Variants in DNAAF9 observed in about 807,000 individuals in gnomAD.
DNAAF9 encodes dynein axonemal assembly factor 9.
Under a neutral mutation model 167.0 loss-of-function variants are expected in DNAAF9, and 90 were observed. The ratio of observed to expected loss-of-function variants is 0.54; its 90% CI spans 0.45 to 0.64. DNAAF9 has a LOEUF of 0.64. Among genes scored for constraint, DNAAF9 ranks in the 30% least tolerant of loss-of-function variants. The probability of loss-of-function intolerance (pLI) is 0.00; values close to 1 mark genes in which losing one functional copy is unlikely to be tolerated. For missense variants in DNAAF9, 1,315 were observed against 1,442.2 expected, an observed-to-expected ratio of 0.91 and a Z score of 1.43; for synonymous variants, 491 against 508.8, an observed-to-expected ratio of 0.96 and a Z score of 0.47.
At chr20:3,369,974 A>T (rs1236352091) in intron 6 of DNAAF9, among the ~76,000 whole-genome samples, 11 of 102,848 alleles carry the variant, frequency 1.1e-4, no homozygotes, top group Admixed American at 9.6e-5. Flanking sequence ...GTCTTCTTTT[A>T]AAAAAAAAAA....
intron 20 of DNAAF9, among the ~76,000 whole-genome samples, chr20:3,307,982 A>AC (rs2069331985): frequency 1.3e-5 from 2 of 151,194 alleles, no homozygotes; most frequent in African/African-American, 2.4e-5. Flanking sequence ...AAAAAAAAAA[A>AC]AAAAAACTAA....
chr20:3,261,063 A>G (rs1440047119), intron 31 of DNAAF9, among the ~76,000 whole-genome samples: 2 of 151,938 alleles, frequency 1.3e-5, no homozygotes, highest in Non-Finnish European at 2.9e-5. Flanking sequence ...TTTCTTTGAG[A>G]CAGGGTCTTG....
In DNAAF9 at chr20:3,270,461, C is replaced by A. The variant is rs1461557472; in HGVS notation, c.2752G>T (p.Ala918Ser). ...SLIRAANPAA[A>S]FILAENGIVT... is the part of the protein sequence containing the mutation. ...ATCCCATTTTCTGCAAGAATGAAGG[C>A]TGCAGCAGGATTGGCAGCCCTGATG... Residue 918 changes from alanine to serine, a missense_variant, in exon 30 of 37, where the codon GCC (alanine) becomes TCC (serine). Coordinates refer to ENST00000252032, the MANE Select transcript of DNAAF9 (RefSeq NM_001009984.3). The A allele has an allele frequency of 3.7e-6, 6 of 1,613,810 alleles. No homozygotes were observed. The highest frequency in any genetic ancestry group is 5.1e-6 in the Non-Finnish European group (6 of 1,179,880).
chr20:3,338,101 T>C (rs949191809), intron 10 of DNAAF9, among the ~76,000 whole-genome samples: 1 of 150,032 alleles, frequency 6.7e-6, no homozygotes, highest in African/African-American at 2.4e-5. Flanking sequence ...CATACATACA[T>C]ACACACACAC....
At chr20:3,363,492 C>T (rs905649205) in intron 6 of DNAAF9, among the ~76,000 whole-genome samples, 4 of 118,150 alleles carry the variant, frequency 3.4e-5, no homozygotes, top group Admixed American at 2.7e-4. Flanking sequence ...AAAATAAAAA[C>T]GAAAAAAAAG....
Position 3,371,585 on chromosome 20 carries a change from C to T in DNAAF9, c.612+2463G>A, listed in dbSNP as rs545799380. On this transcript the variant is annotated intron_variant, in intron 6 of 36. Coordinates refer to ENST00000252032, the MANE Select transcript of DNAAF9 (RefSeq NM_001009984.3). ...GTCTCGATCTGCTGACCTCGTGATC[C>T]GCCCGCCTCGGCCTCCCAAAGTGCT... is the stretch of plus-strand genomic sequence containing the variant. 1.1e-4 allele frequency among the ~76,000 whole-genome samples: 16 copies of T among 152,044 alleles called. No homozygotes were observed. In the East Asian group the frequency reaches 1.5e-3, roughly 15 times the overall value.
intron 15 of DNAAF9, 31 bp from the exon 16 acceptor site, chr20:3,322,293 T>TA (rs372702091): frequency 1.9e-5 from 30 of 1,540,678 alleles, no homozygotes; most frequent in African/African-American, 1.2e-4. Flanking sequence ...AAGACTATGT[T>TA]AAAGAGTTTT....
intron 1 of DNAAF9, among the ~76,000 whole-genome samples, chr20:3,385,849 G>A (rs2083727683): frequency 6.6e-6 from 1 of 152,098 alleles, no homozygotes; most frequent in Non-Finnish European, 1.5e-5. Context: ...AGAAATTAAA[G>A]AAGATCTAAA....
At chr20:3,265,512 T>G (rs192767603) in intron 30 of DNAAF9, among the ~76,000 whole-genome samples, 321 of 137,724 alleles carry the variant, frequency 2.3e-3, no homozygotes, top group Non-Finnish European at 3.7e-3. Flanking sequence ...GAGGTGGAGG[T>G]TGCAGTGAGA....
chr20:3,325,540 G>A (rs551847715), intron 13 of DNAAF9, among the ~76,000 whole-genome samples: 1 of 152,300 alleles, frequency 6.6e-6, no homozygotes, highest in East Asian at 1.9e-4. Context: ...CAAGGAGCTG[G>A]TGACTACAGC....
At chr20:3,285,485 C>T (rs926211827) in intron 27 of DNAAF9, among the ~76,000 whole-genome samples, 1 of 151,596 alleles carries the variant, frequency 6.6e-6, no homozygotes, top group Non-Finnish European at 1.5e-5. Flanking sequence ...TCAAGACCAG[C>T]CTAACCAAGA....
At chr20:3,274,609 C>T (rs1168908429) in intron 29 of DNAAF9, among the ~76,000 whole-genome samples, 2 of 152,192 alleles carry the variant, frequency 1.3e-5, no homozygotes, top group Non-Finnish European at 2.9e-5. Flanking sequence ...CAAATATCCT[C>T]CTCTGTAAGA....
At chr20:3,349,205 A>AAAAAAAAAAT (rs2070261162) in intron 7 of DNAAF9, among the ~76,000 whole-genome samples, 1 of 59,190 alleles carries the variant, frequency 1.7e-5, no homozygotes, top group Non-Finnish European at 3.3e-5. Flanking sequence ...AAAAAAAAAC[A>AAAAAAAAAAT]AAAAAAAAAA....
At chr20:3,290,850 G>A (rs1205529491) in intron 25 of DNAAF9, among the ~76,000 whole-genome samples, 1 of 148,446 alleles carries the variant, frequency 6.7e-6, no homozygotes, top group Non-Finnish European at 1.5e-5. Context: ...GTGCTGTGGT[G>A]TGATCTCAGC....
intron 6 of DNAAF9, chr20:3,359,925 A>G (rs1051567550): frequency 1.1e-5 from 2 of 175,914 alleles, no homozygotes; most frequent in Admixed American, 6.3e-5. Context: ...ATCCATGTCC[A>G]TGGCTTTAAA....
chr20:3,253,020 T>C (rs566353799), intron 36 of DNAAF9, among the ~76,000 whole-genome samples: 19 of 152,334 alleles, frequency 1.2e-4, no homozygotes, highest in African/African-American at 4.3e-4. Context: ...TCACCGCAGC[T>C]GCATCCAAAC....
intron 34 of DNAAF9, among the ~76,000 whole-genome samples, chr20:3,255,715 C>G (rs1284740634): frequency 6.6e-6 from 1 of 152,206 alleles, no homozygotes; most frequent in Non-Finnish European, 1.5e-5. Flanking sequence ...TAACTCTAGT[C>G]CCAGAGTTCT....
At chr20:3,254,809 G>C (rs1177922178) in intron 35 of DNAAF9, among the ~76,000 whole-genome samples, 1 of 152,218 alleles carries the variant, frequency 6.6e-6, no homozygotes, top group African/African-American at 2.4e-5. Context: ...CATCAAGGGG[G>C]TCTCTCAATC....
intron 30 of DNAAF9, 36 bp from the exon 31 acceptor site, chr20:3,264,560 G>C: frequency 9.9e-7 from 1 of 1,012,994 alleles, no homozygotes. Flanking sequence ...AGATTAATTA[G>C]GACTGTCAAT....
Sources: gnomAD v4.1 joint callset for allele counts (sites outside exome capture counted in the v4.1 genomes callset) on GRCh38, gnomAD v4.1.1 for gene constraint, MANE v1.5 for transcripts, NCBI Gene and HGNC (gene_info 2026-07-23, HGNC 2026-07-21) for gene names.